TMTC2: variants seen among roughly 807,000 people sequenced by gnomAD.
TMTC2 encodes the protein transmembrane O-mannosyltransferase targeting cadherins 2.
TMTC2 carries 43 observed loss-of-function variants against 82.4 expected under a neutral mutation model. That is an observed-to-expected ratio of 0.52 (90% CI 0.41 to 0.67). The LOEUF (loss-of-function observed/expected upper bound fraction) is 0.67. TMTC2 is among the 30% of genes least tolerant of loss of function. The pLI, the probability that TMTC2 is intolerant of heterozygous loss-of-function variation, is 0.00. For synonymous variants in TMTC2, 408 were observed against 381.9 expected (o/e 1.07, Z -0.80); for missense variants, 919 against 1,012.4 (o/e 0.91, Z 1.25).
Position 83,072,495 on chromosome 12 carries a change from G to A in TMTC2, c.2331+10664G>A, listed in dbSNP as rs576524905. Reference sequence around the variant, plus strand: ...GTATTCTACAGTTGTTGGATGTAATGTTCTGTATATATCTGTTAAGTCCAT... The same window carrying A: ...GTATTCTACAGTTGTTGGATGTAATATTCTGTATATATCTGTTAAGTCCAT... On this transcript the variant is annotated intron_variant, in intron 11 of 11. Transcript: ENST00000321196. Among the ~76,000 whole-genome samples, 8 of 152,208 alleles carry A rather than the reference G, an allele frequency of 5.3e-5. No homozygotes were observed. In the East Asian group the frequency reaches 1.5e-3, roughly 29 times the overall value.
intron 2 of TMTC2, among the ~76,000 whole-genome samples, chr12:82,860,756 A>T (rs916705916): frequency 6.6e-6 from 1 of 152,268 alleles, no homozygotes; most frequent in African/African-American, 2.4e-5. Flanking sequence ...TAGTCTCTAC[A>T]CATAGAGTTG....
chr12:82,904,020 G>A (rs1367731525), intron 3 of TMTC2, among the ~76,000 whole-genome samples: 1 of 152,090 alleles, frequency 6.6e-6, no homozygotes, highest in East Asian at 1.9e-4. Context: ...TTTGATACAA[G>A]GCAAAACTCT....
At chr12:83,111,168 T>A (rs1884587726) in intron 11 of TMTC2, among the ~76,000 whole-genome samples, 1 of 152,244 alleles carries the variant, frequency 6.6e-6, no homozygotes, top group Non-Finnish European at 1.5e-5. Flanking sequence ...GTGACCCTTT[T>A]AAGGCATGAC....
In TMTC2 at chr12:83,069,394, A is replaced by C. The variant is rs184070869; in HGVS notation, c.2331+7563A>C. 1.4e-3 allele frequency among the ~76,000 whole-genome samples: 212 copies of C among 152,270 alleles called. 1 individual carries two copies. The highest frequency in any genetic ancestry group is 5.0e-3 in the African/African-American group (208 of 41,572). On this transcript the variant is annotated intron_variant, in intron 11 of 11. Coordinates refer to ENST00000321196, the MANE Select transcript of TMTC2 (RefSeq NM_152588.3). ...ATTTCTTGATTATGGCCATTCTTGCAGGAGTAAGGTGGTGTTGCAGTATGG... is the reference window on the plus strand; with the variant it reads ...ATTTCTTGATTATGGCCATTCTTGCCGGAGTAAGGTGGTGTTGCAGTATGG...
intron 11 of TMTC2, among the ~76,000 whole-genome samples, chr12:83,105,023 G>A (rs1884348582): frequency 6.6e-6 from 1 of 152,114 alleles, no homozygotes; most frequent in Non-Finnish European, 1.5e-5. Context: ...TCATCATTCT[G>A]AAGTTCAAAT....
chr12:82,711,449 C>A (rs574508525), intron 1 of TMTC2, among the ~76,000 whole-genome samples: 2 of 149,678 alleles, frequency 1.3e-5, no homozygotes, highest in Non-Finnish European at 1.5e-5. Flanking sequence ...AAAAAAAAAA[C>A]GAAAAAGGGC....
intron 3 of TMTC2, among the ~76,000 whole-genome samples, chr12:82,928,055 T>A (rs1875823265): frequency 6.6e-6 from 1 of 152,192 alleles, no homozygotes; most frequent in Non-Finnish European, 1.5e-5. Flanking sequence ...GAGAAGCACT[T>A]ATTAGTTTAT....
intron 4 of TMTC2, among the ~76,000 whole-genome samples, chr12:82,948,065 A>G (rs1877123847): frequency 6.6e-6 from 1 of 152,166 alleles, no homozygotes; most frequent in African/African-American, 2.4e-5. Flanking sequence ...AACAAATGCA[A>G]CTTTAGAAAG....
At chr12:82,973,127 G>C (rs115214570) in intron 7 of TMTC2, among the ~76,000 whole-genome samples, 2 of 152,112 alleles carry the variant, frequency 1.3e-5, no homozygotes, top group African/African-American at 4.8e-5. Flanking sequence ...CTCCAGTAGC[G>C]TTAAGCTTTT....
At chr12:83,003,598 A>T (rs1400226324) in intron 8 of TMTC2, among the ~76,000 whole-genome samples, 1 of 152,070 alleles carries the variant, frequency 6.6e-6, no homozygotes, top group African/African-American at 2.4e-5. Context: ...ACCTCTTTTA[A>T]TGCTGGTCTA....
intron 1 of TMTC2, among the ~76,000 whole-genome samples, chr12:82,765,262 A>G (rs1876884726): frequency 6.6e-6 from 1 of 152,168 alleles, no homozygotes; most frequent in African/African-American, 2.4e-5. Context: ...TTTCTATATG[A>G]TATTACTCAA....
intron 7 of TMTC2, among the ~76,000 whole-genome samples, chr12:82,976,609 A>T (rs1004341747): frequency 3.9e-5 from 6 of 152,044 alleles, no homozygotes; most frequent in African/African-American, 4.8e-5. Flanking sequence ...AAGGATTTCC[A>T]ATCAGAAGCA....
chr12:82,808,611 G>A lies in TMTC2; in HGVS notation c.84-48399G>A, dbSNP rs148079308. The stretch of plus-strand genomic sequence containing the variant: ...ATTATTCAGACATATATTGGTCACC[G>A]TTATATGCCAGGAGGCCCTCTATTG... On this transcript the variant is annotated intron_variant, in intron 1 of 11. Transcript: ENST00000321196. Among the ~76,000 whole-genome samples the A allele has an allele frequency of 2.0e-5, 3 of 152,078 alleles. No individual in the cohort carries two copies. The East Asian group carries it at 5.8e-4, about 29-fold the overall frequency.
chr12:82,860,761 G>C (rs1026791979), intron 2 of TMTC2, among the ~76,000 whole-genome samples: 2 of 152,240 alleles, frequency 1.3e-5, no homozygotes, highest in Non-Finnish European at 2.9e-5. Context: ...TCTACACATA[G>C]AGTTGTTTGA....
At chr12:82,901,763 T>G (rs1323572568) in intron 3 of TMTC2, among the ~76,000 whole-genome samples, 2 of 152,142 alleles carry the variant, frequency 1.3e-5, no homozygotes, top group African/African-American at 4.8e-5. Context: ...GACTGTATTT[T>G]GCTATAGCCG....
chr12:83,044,763 A>T (rs533647888), intron 9 of TMTC2, among the ~76,000 whole-genome samples: 15 of 152,222 alleles, frequency 9.9e-5, no homozygotes, highest in Non-Finnish European at 1.9e-4. Context: ...CATATGAATG[A>T]TTCTTTTCTA....
At chr12:82,724,907 G>C (rs1874377799) in intron 1 of TMTC2, among the ~76,000 whole-genome samples, 1 of 152,144 alleles carries the variant, frequency 6.6e-6, no homozygotes, top group Admixed American at 6.5e-5. Context: ...CATTTCTGCT[G>C]TGAGGGATGA....
At chr12:82,967,517 C>T (rs1373966027) in intron 7 of TMTC2, among the ~76,000 whole-genome samples, 1 of 151,810 alleles carries the variant, frequency 6.6e-6, no homozygotes, top group Non-Finnish European at 1.5e-5. Flanking sequence ...TAAGTCTAGG[C>T]CATGGATTTT....
intron 2 of TMTC2, among the ~76,000 whole-genome samples, chr12:82,887,249 C>T (rs1286671413): frequency 6.6e-6 from 1 of 152,126 alleles, no homozygotes; most frequent in Non-Finnish European, 1.5e-5. Context: ...TTTTCAGTTT[C>T]ATTTATGTCC....
Sources: allele counts gnomAD v4.1 joint callset (sites outside exome capture counted in the v4.1 genomes callset), GRCh38; gene constraint gnomAD v4.1.1; transcripts MANE v1.5; gene names NCBI Gene and HGNC (gene_info 2026-07-23, HGNC 2026-07-21).